The following CAMTA1 variants were observed in gnomAD, a reference collection of about 807,000 sequenced individuals.
CAMTA1 encodes calmodulin-binding transcription activator 1.
A neutral mutation model predicts 170.9 loss-of-function variants in CAMTA1; 27 were observed. That is an observed-to-expected ratio of 0.16 (90% CI 0.12 to 0.22). The LOEUF is 0.22. Ranked by LOEUF, CAMTA1 falls within the 10% of genes least tolerant of loss-of-function variation. The probability of loss-of-function intolerance (pLI) is 1.00; values close to 1 mark genes in which losing one functional copy is unlikely to be tolerated. For missense variants in CAMTA1, 1,619 were observed against 2,217.2 expected (o/e 0.73, Z 5.42); for synonymous variants, 833 against 891.5 (o/e 0.93, Z 1.17).
chr1:6,828,183 A>T (rs190422838), intron 3 of CAMTA1, among the ~76,000 whole-genome samples: 1 of 152,174 alleles, frequency 6.6e-6, no homozygotes, highest in Non-Finnish European at 1.5e-5. Context: ...CCTCTATACT[A>T]ATAAGGAATT....
rs957012591 is a variant in CAMTA1, at chr1:7,435,621, C to T, written c.439-32209C>T. On this transcript the variant is annotated intron_variant, in intron 5 of 22. Coordinates refer to ENST00000303635, the MANE Select transcript of CAMTA1 (RefSeq NM_015215.4). This position sits in a 1 kb window ranked among gnomAD's most constrained non-coding sequence, Gnocchi z 4.4. Reference sequence around the variant, plus strand: ...CTTGGGGAAAGTCCCCCAGCTTTGGCGGAATCAGCGCCTCAGAAAGAACCA... The same window carrying T: ...CTTGGGGAAAGTCCCCCAGCTTTGGTGGAATCAGCGCCTCAGAAAGAACCA... Among the ~76,000 whole-genome samples the T allele has an allele frequency of 5.3e-5, 8 of 152,294 alleles. No homozygotes were observed. Among genetic ancestry groups the T allele is most frequent in the African/African-American group, 1.4e-4 (6 of 41,578 alleles).
At chr1:6,817,836 T>C (rs1255944524) in intron 1 of CAMTA1, among the ~76,000 whole-genome samples, 1 of 152,090 alleles carries the variant, frequency 6.6e-6, no homozygotes, top group Non-Finnish European at 1.5e-5. Context: ...AGGGAAACAG[T>C]CCTAGAACAA....
chr1:7,233,188 C>T (rs907851779), intron 4 of CAMTA1, among the ~76,000 whole-genome samples: 4 of 152,216 alleles, frequency 2.6e-5, no homozygotes, highest in Non-Finnish European at 5.9e-5. Flanking sequence ...AATTTTCTCT[C>T]AGATTTACAT....
intron 6 of CAMTA1, among the ~76,000 whole-genome samples, chr1:7,579,669 C>T (rs1014135089): frequency 2.7e-5 from 4 of 150,162 alleles, no homozygotes; most frequent in South Asian, 2.1e-4. Context: ...AAGTGATTCC[C>T]TCACCTCAAC....
intron 11 of CAMTA1, among the ~76,000 whole-genome samples, chr1:7,691,971 G>C (rs922976747): frequency 1.7e-5 from 2 of 117,226 alleles, no homozygotes; most frequent in African/African-American, 6.2e-5. Context: ...GAGGGAGGAA[G>C]GGAAGGAAGG....
chr1:7,275,435 G>A (rs565086420), intron 5 of CAMTA1, among the ~76,000 whole-genome samples: 5 of 152,044 alleles, frequency 3.3e-5, no homozygotes, highest in East Asian at 1.9e-4. Flanking sequence ...AAATGAAATA[G>A]TAAGTAGACA....
At chr1:6,863,751 C>T (rs1000953457) in intron 3 of CAMTA1, among the ~76,000 whole-genome samples, 4 of 152,222 alleles carry the variant, frequency 2.6e-5, no homozygotes, top group Admixed American at 2.0e-4. Flanking sequence ...ACATGTTTCA[C>T]ACCAGTGAAC....
chr1:6,848,735 T>C (rs1276345234), intron 3 of CAMTA1, among the ~76,000 whole-genome samples: 3 of 152,176 alleles, frequency 2.0e-5, no homozygotes, highest in Non-Finnish European at 4.4e-5. Flanking sequence ...AACTGACAGA[T>C]GATAGATTAG....
In CAMTA1 at chr1:7,333,353, C is replaced by T. The variant is rs60915760; in HGVS notation, c.438+83727C>T. 9.0e-3 allele frequency among the ~76,000 whole-genome samples: 1,370 copies of T among 152,228 alleles called. 16 individuals carry two copies. Among genetic ancestry groups the T allele is most frequent in the African/African-American group, 0.031 (1,285 of 41,524 alleles). On this transcript the variant is annotated intron_variant, in intron 5 of 22. Transcript: ENST00000303635. This position sits in a 1 kb window ranked among gnomAD's most constrained non-coding sequence, Gnocchi z 4.4. ...GTGAGGGAGAGACCCGCAGGGGAGTCGGATCTGACACGGGACCCCACGCTG... is the reference window on the plus strand; with the variant it reads ...GTGAGGGAGAGACCCGCAGGGGAGTTGGATCTGACACGGGACCCCACGCTG...
At chr1:7,297,506 G>T (rs1674133286) in intron 5 of CAMTA1, among the ~76,000 whole-genome samples, 1 of 152,206 alleles carries the variant, frequency 6.6e-6, no homozygotes. Context: ...ATGACTTCTA[G>T]TATCTCTGCT....
chr1:7,706,886 C>CTTTTTT (rs139511207), intron 11 of CAMTA1, among the ~76,000 whole-genome samples: 11 of 132,180 alleles, frequency 8.3e-5, no homozygotes, highest in Admixed American at 8.0e-5. Flanking sequence ...TCAGGCTATT[C>CTTTTTT]TTTTTTTTTT....
rs1343036931 is a variant in CAMTA1, at chr1:7,299,234, TA to T, written c.438+49612del. ...TTAAGCAGATATTACTTCTTCATAA[TA>T]AAATCGTATATGAAACAATGACTTG... On this transcript the variant is annotated intron_variant, in intron 5 of 22. Coordinates refer to ENST00000303635, the MANE Select transcript of CAMTA1 (RefSeq NM_015215.4). This position sits in a 1 kb window ranked among gnomAD's most constrained non-coding sequence, Gnocchi z 4.7. Among the ~76,000 whole-genome samples, 1 of 152,252 alleles carries T rather than the reference TA, an allele frequency of 6.6e-6. No individual in the cohort carries two copies.
chr1:7,565,779 G>A lies in CAMTA1; in HGVS notation c.511-74621G>A, dbSNP rs182080751. Among the ~76,000 whole-genome samples, 28 of 152,258 alleles carry A rather than the reference G, an allele frequency of 1.8e-4. No homozygotes were observed. Among genetic ancestry groups the A allele is most frequent in the Admixed American group, 6.5e-4 (10 of 15,300 alleles). ...CTGCCATGACAAAATACCATAGACCGGGTGGCTTAAACAGTAGACATTTAC... is the reference window on the plus strand; with the variant it reads ...CTGCCATGACAAAATACCATAGACCAGGTGGCTTAAACAGTAGACATTTAC... On this transcript the variant is annotated intron_variant, in intron 6 of 22. Coordinates refer to ENST00000303635, the MANE Select transcript of CAMTA1 (RefSeq NM_015215.4). The surrounding 1 kb of genome is among the most constrained non-coding windows in gnomAD (Gnocchi z 4.5).
chr1:7,153,155 C>G (rs776398876), intron 4 of CAMTA1, among the ~76,000 whole-genome samples: 1 of 152,108 alleles, frequency 6.6e-6, no homozygotes, highest in African/African-American at 2.4e-5. Context: ...TGTCTTGAAC[C>G]CTCTTCTGTC....
At chr1:6,897,298 G>A (rs1675850798) in intron 3 of CAMTA1, among the ~76,000 whole-genome samples, 1 of 152,182 alleles carries the variant, frequency 6.6e-6, no homozygotes. Flanking sequence ...ATGGTCTTGT[G>A]TGCAAGAAGC....
chr1:6,961,453 G>T (rs1178467660), intron 3 of CAMTA1, among the ~76,000 whole-genome samples: 1 of 152,148 alleles, frequency 6.6e-6, no homozygotes, highest in South Asian at 2.1e-4. Flanking sequence ...GTGCTGGGCC[G>T]GCAAGAAGGT....
intron 6 of CAMTA1, among the ~76,000 whole-genome samples, chr1:7,629,869 CGGGGGGCCTGGCAGT>C (rs140387478): frequency 0.03 from 4,619 of 152,080 alleles, 87 homozygotes; most frequent in Non-Finnish European, 0.046. Context: ...GGTCCTCTCT[CGGGGGGCCTGGCAGT>C]GGCAGCTCGA....
At chr1:7,483,580 C>G (rs764730927) in intron 6 of CAMTA1, among the ~76,000 whole-genome samples, 4 of 152,180 alleles carry the variant, frequency 2.6e-5, no homozygotes, top group African/African-American at 4.8e-5. Context: ...AGCCAGGAAC[C>G]AGAGCAGGGG....
In CAMTA1 at chr1:6,884,747, CTTG is replaced by C. The variant is rs1320320395; in HGVS notation, c.234+59540_234+59542del. ...GCCTTATGTGTTGAAGGAATAATTA[CTTG>C]TTCATTTTGTAGTGCTAAAATCCTG... On this transcript the variant is annotated intron_variant, in intron 3 of 22. Coordinates refer to ENST00000303635, the MANE Select transcript of CAMTA1 (RefSeq NM_015215.4). Among the ~76,000 whole-genome samples, 43 of 152,314 alleles carry C rather than the reference CTTG, an allele frequency of 2.8e-4. 1 individual carries two copies. The highest frequency in any genetic ancestry group is 6.8e-3 in the Middle Eastern group (2 of 294).
Sources: allele counts gnomAD v4.1 joint callset (sites outside exome capture counted in the v4.1 genomes callset), GRCh38; gene constraint gnomAD v4.1.1; non-coding constraint Gnocchi (gnomAD v3.1); transcripts MANE v1.5; gene names NCBI Gene and HGNC (gene_info 2026-07-23, HGNC 2026-07-21).